The following CAMK1D variants were observed in gnomAD, a reference collection of about 807,000 sequenced individuals.
CAMK1D encodes calcium/calmodulin dependent protein kinase ID.
CAMK1D carries 9 observed loss-of-function variants against 47.7 expected under a neutral mutation model. The ratio of observed to expected loss-of-function variants is 0.19; its 90% CI spans 0.11 to 0.33. The LOEUF (loss-of-function observed/expected upper bound fraction) is 0.33. Among genes scored for constraint, CAMK1D ranks in the 10% least tolerant of loss-of-function variants. CAMK1D has a pLI of 1.00. For missense variants in CAMK1D, 291 were observed against 488.7 expected (o/e 0.60, Z 3.81); for synonymous variants, 184 against 184.9 (o/e 0.99, Z 0.04).
At chr10:12,735,497 GTATCT>G (rs930948214) in intron 3 of CAMK1D, among the ~76,000 whole-genome samples, 2 of 152,266 alleles carry the variant, frequency 1.3e-5, no homozygotes, top group Non-Finnish European at 2.9e-5. Flanking sequence ...AGAAAAGAAA[GTATCT>G]TTTTTTCAAT....
intron 2 of CAMK1D, among the ~76,000 whole-genome samples, chr10:12,629,331 A>T (rs1839312407): frequency 6.6e-6 from 1 of 152,232 alleles, no homozygotes; most frequent in African/African-American, 2.4e-5. Flanking sequence ...TAAAACTATG[A>T]CTATGCAATC....
chr10:12,472,044 AAAAAGAAAAAG>A (rs1488955742), intron 1 of CAMK1D, among the ~76,000 whole-genome samples: 3 of 151,086 alleles, frequency 2.0e-5, no homozygotes, highest in Admixed American at 6.6e-5. Flanking sequence ...CAAAAAAAAA[AAAAAGAAAAAG>A]AAAAGAAAAA....
intron 1 of CAMK1D, among the ~76,000 whole-genome samples, chr10:12,352,177 G>T (rs1028750801): frequency 2.0e-5 from 3 of 152,182 alleles, no homozygotes; most frequent in Admixed American, 2.0e-4. Context: ...GGCGGAGCTG[G>T]TATTCACAGA....
At chr10:12,458,226 G>A (rs921567030) in intron 1 of CAMK1D, among the ~76,000 whole-genome samples, 21 of 152,140 alleles carry the variant, frequency 1.4e-4, no homozygotes, top group African/African-American at 4.6e-4. Context: ...AAGCATTAAG[G>A]TCCAAGCTTT....
At chr10:12,638,792 A>G (rs1333061570) in intron 2 of CAMK1D, among the ~76,000 whole-genome samples, 13 of 152,184 alleles carry the variant, frequency 8.5e-5, no homozygotes, top group Non-Finnish European at 1.9e-4. Flanking sequence ...CACCAAATCT[A>G]TAAATGTGGA....
At chr10:12,602,674 C>T (rs1838336877) in intron 2 of CAMK1D, among the ~76,000 whole-genome samples, 1 of 152,066 alleles carries the variant, frequency 6.6e-6, no homozygotes, top group Admixed American at 6.5e-5. Context: ...AAGGCGATGG[C>T]TGTTCTTTGA....
At chr10:12,484,369 A>T (rs11257820) in intron 1 of CAMK1D, among the ~76,000 whole-genome samples, 6,567 of 152,306 alleles carry the variant, frequency 0.043, 531 homozygotes, top group East Asian at 0.4. Context: ...GGCCAATTAC[A>T]GGAGATCCTG....
intron 2 of CAMK1D, among the ~76,000 whole-genome samples, chr10:12,622,002 C>T (rs1359626627): frequency 2.0e-5 from 3 of 152,200 alleles, no homozygotes; most frequent in African/African-American, 7.2e-5. Context: ...AGCTCCTTCC[C>T]ACTGTGCAGT....
At chr10:12,353,690 C>T (rs144161379) in intron 1 of CAMK1D, among the ~76,000 whole-genome samples, 2 of 152,236 alleles carry the variant, frequency 1.3e-5, no homozygotes, top group East Asian at 1.9e-4. Context: ...TCAACCTGTG[C>T]GCTTCAGTGC....
intron 3 of CAMK1D, among the ~76,000 whole-genome samples, chr10:12,755,763 G>C (rs1836198559): frequency 6.6e-6 from 1 of 152,154 alleles, no homozygotes; most frequent in African/African-American, 2.4e-5. Flanking sequence ...GTAAATGTCT[G>C]CCTTCTGGAC....
At chr10:12,798,680 C>T (rs56298701) in intron 6 of CAMK1D, among the ~76,000 whole-genome samples, 7,103 of 152,284 alleles carry the variant, frequency 0.047, 191 homozygotes, top group Non-Finnish European at 0.06. Flanking sequence ...ATAAAATGTG[C>T]TGTTTGTGTA....
chr10:12,790,066 A>G (rs1837910933), intron 5 of CAMK1D, among the ~76,000 whole-genome samples: 1 of 152,230 alleles, frequency 6.6e-6, no homozygotes, highest in Non-Finnish European at 1.5e-5. Context: ...TCAGTATAGA[A>G]CAAGCCCCAA....
chr10:12,437,449 C>G (rs1382267792), intron 1 of CAMK1D, among the ~76,000 whole-genome samples: 1 of 152,210 alleles, frequency 6.6e-6, no homozygotes, highest in Non-Finnish European at 1.5e-5. Context: ...CCCGCCTTGA[C>G]CTCCCAAAGT....
chr10:12,513,442 C>T (rs1111059), intron 1 of CAMK1D, among the ~76,000 whole-genome samples: 15,042 of 151,940 alleles, frequency 0.099, 962 homozygotes, highest in East Asian at 0.36. Flanking sequence ...AAAGTAAGGC[C>T]TGTTATGAAT....
At chr10:12,532,501 G>A (rs111908325) in intron 1 of CAMK1D, among the ~76,000 whole-genome samples, 34,177 of 152,110 alleles carry the variant, frequency 0.22, 4,333 homozygotes, top group South Asian at 0.29. Flanking sequence ...GGATGGTCTC[G>A]ATCTCCTGAC....
chr10:12,362,647 G>A (rs1341236686), intron 1 of CAMK1D, among the ~76,000 whole-genome samples: 1 of 152,054 alleles, frequency 6.6e-6, no homozygotes, highest in East Asian at 1.9e-4. Context: ...ACAGGCGCCC[G>A]CCATGATGCC....
chr10:12,536,568 C>T (rs1488701544), intron 1 of CAMK1D, among the ~76,000 whole-genome samples: 4 of 152,300 alleles, frequency 2.6e-5, no homozygotes, highest in Non-Finnish European at 4.4e-5. Context: ...TGTGAGCCAC[C>T]GCACTGCACC....
chr10:12,546,823 G>T (rs923736682), intron 1 of CAMK1D, among the ~76,000 whole-genome samples: 3 of 151,118 alleles, frequency 2.0e-5, no homozygotes, highest in South Asian at 4.2e-4. Flanking sequence ...GGTGGGGGTG[G>T]GGGAGGGATA....
intron 3 of CAMK1D, among the ~76,000 whole-genome samples, chr10:12,683,580 G>T (rs1169376399): frequency 6.6e-6 from 1 of 151,940 alleles, no homozygotes; most frequent in Admixed American, 6.6e-5. Flanking sequence ...TTTTTATCAT[G>T]ATTTATTTTG....
Sources: gnomAD v4.1 joint callset for allele counts (sites outside exome capture counted in the v4.1 genomes callset) on GRCh38, gnomAD v4.1.1 for gene constraint, MANE v1.5 for transcripts, NCBI Gene and HGNC (gene_info 2026-07-23, HGNC 2026-07-21) for gene names.